CALB1: variants seen among roughly 807,000 people sequenced by gnomAD.
The protein encoded by CALB1 is calbindin 1.
A neutral mutation model predicts 46.7 loss-of-function variants in CALB1; 16 were observed. The ratio of observed to expected loss-of-function variants is 0.34; its 90% CI spans 0.23 to 0.52. The LOEUF (loss-of-function observed/expected upper bound fraction) is 0.52. Ranked by LOEUF, CALB1 falls within the 20% of genes least tolerant of loss-of-function variation. The pLI is 0.95. For synonymous variants in CALB1, 90 were observed against 112.8 expected (o/e 0.80, Z 1.28); for missense variants, 224 against 300.3 (o/e 0.75, Z 1.88).
At chr8:90,075,081 G>A (rs955614409) in intron 3 of CALB1, among the ~76,000 whole-genome samples, 8 of 152,040 alleles carry the variant, frequency 5.3e-5, no homozygotes, top group African/African-American at 1.9e-4. Flanking sequence ...TAACAATCTC[G>A]TTATTTCTAA....
At chr8:90,075,915 T>A (rs1258948430) in intron 3 of CALB1, among the ~76,000 whole-genome samples, 1 of 152,020 alleles carries the variant, frequency 6.6e-6, no homozygotes, top group Non-Finnish European at 1.5e-5. Flanking sequence ...CGGAATGAGA[T>A]CTAAGTCTGT....
intron 3 of CALB1, among the ~76,000 whole-genome samples, chr8:90,076,660 A>C (rs574504023): frequency 3.9e-4 from 59 of 152,078 alleles, no homozygotes; most frequent in Non-Finnish European, 2.5e-4. Context: ...TTCCACAGAA[A>C]GCCTTTTCTT....
chr8:90,069,149 T>C lies in CALB1; in HGVS notation c.315+5A>G, dbSNP rs369013711. On this transcript the variant is annotated splice_donor_5th_base_variant and intron_variant, in intron 4 of 10. Transcript: ENST00000265431. The stretch of plus-strand genomic sequence containing the variant: ...AGCTTTCTTAAAGGGGCAGCTTTCT[T>C]ATACCTTCATGAATTCCTCACAGGA... The C allele has an allele frequency of 9.9e-6, 16 of 1,613,794 alleles. No individual in the cohort carries two copies. In the African/African-American group the frequency reaches 2.0e-4, roughly 20 times the overall value.
At chr8:90,079,920 C>T (rs970778410) in intron 2 of CALB1, among the ~76,000 whole-genome samples, 1 of 151,670 alleles carries the variant, frequency 6.6e-6, no homozygotes, top group Non-Finnish European at 1.5e-5. Flanking sequence ...ATGCAAAAAG[C>T]CTGGTTTATA....
chr8:90,062,197 T>G (rs1462839781), intron 9 of CALB1: 1 of 151,942 alleles, frequency 6.6e-6, no homozygotes, highest in African/African-American at 2.4e-5. Flanking sequence ...TCAAGATAGA[T>G]TAAAAACTTA....
intron 9 of CALB1, chr8:90,060,942 C>T (rs1344096101): frequency 2.1e-6 from 1 of 483,518 alleles, no homozygotes; most frequent in Non-Finnish European, 3.7e-6. Context: ...AAAGTACTTA[C>T]ACATGTAATT....
At chr8:90,068,777 C>CA (rs550911907) in intron 5 of CALB1, among the ~76,000 whole-genome samples, 294 of 152,202 alleles carry the variant, frequency 1.9e-3, no homozygotes, top group African/African-American at 6.5e-3. Flanking sequence ...GTGTACACCA[C>CA]AAAAAATGTT....
At chr8:90,075,281 C>A (rs1182696465) in intron 3 of CALB1, among the ~76,000 whole-genome samples, 7 of 152,086 alleles carry the variant, frequency 4.6e-5, no homozygotes, top group Non-Finnish European at 1.0e-4. Context: ...AGAGACAAAC[C>A]AATTTGGCCT....
At chr8:90,073,046 C>T (rs1300963989) in intron 3 of CALB1, among the ~76,000 whole-genome samples, 2 of 152,156 alleles carry the variant, frequency 1.3e-5, no homozygotes, top group Non-Finnish European at 2.9e-5. Flanking sequence ...AGTCTACGTG[C>T]TCCTTGAGGA....
intron 5 of CALB1, among the ~76,000 whole-genome samples, chr8:90,066,530 G>A (rs1412389657): frequency 6.6e-6 from 1 of 151,950 alleles, no homozygotes; most frequent in Non-Finnish European, 1.5e-5. Context: ...GCCTAATGCA[G>A]TCCAAAGCAC....
rs1466440132 is a variant in CALB1 at position 90,082,866 on chromosome 8, A to G, written c.-169T>C. The G allele has an allele frequency of 7.7e-6, 5 of 650,246 alleles. No homozygotes were observed. Among genetic ancestry groups the G allele is most frequent in the Non-Finnish European group, 1.4e-5 (5 of 355,580 alleles). 40.3% of individuals were successfully genotyped at this position (650,246 alleles called of 1,614,324 possible). ...GTGCTGCTCAGCTCAGCGTTCCTCC[A>G]GAGTTCTCTCCCTACACCCCGCACC... On this transcript the variant is annotated 5_prime_UTR_variant, in exon 1 of 11. Transcript: ENST00000265431.
At chr8:90,066,142 G>A (rs1365446794) in intron 5 of CALB1, among the ~76,000 whole-genome samples, 167 bp from the exon 6 acceptor site, 1 of 151,954 alleles carries the variant, frequency 6.6e-6, no homozygotes, top group African/African-American at 2.4e-5. Flanking sequence ...ACTAAACCAG[G>A]TTGTCCTCCT....
At chr8:90,063,046 T>G (rs924153702) in intron 9 of CALB1, 54 bp downstream of exon 9, 5 of 1,272,316 alleles carry the variant, frequency 3.9e-6, no homozygotes, top group Non-Finnish European at 5.6e-6. Context: ...AAGAGGATCT[T>G]ATGTTGTGTT....
In CALB1 at chr8:90,082,675, G is replaced by A. The variant is rs1384268387; in HGVS notation, c.23C>T (p.Ser8Leu). ...AAACTGTGAGGCTGTGATGAGGGAT[G>A]ACTGCAGGTGGGATTCTGCCATTGT... is the stretch of plus-strand genomic sequence containing the variant. MAESHLQSSLITASQFFE... is the reference protein window; with the variant it reads MAESHLQLSLITASQFFE... The change falls in exon 1 of 11, where the codon TCA (serine) becomes TTA (leucine). Residue 8 changes from serine to leucine, a missense_variant. By Grantham distance (145) the Ser-to-Leu change is moderately radical. Transcript: ENST00000265431. The A allele has an allele frequency of 6.2e-7, 1 of 1,614,148 alleles. No individual in the cohort carries two copies. The highest frequency in any genetic ancestry group is 1.7e-5 in the Admixed American group (1 of 60,030).
At chr8:90,069,652 T>G (rs1234683380) in intron 3 of CALB1, among the ~76,000 whole-genome samples, 1 of 151,996 alleles carries the variant, frequency 6.6e-6, no homozygotes, top group Non-Finnish European at 1.5e-5. Flanking sequence ...AAATTTCATG[T>G]GAAGTGAAAG....
Position 90,070,605 on chromosome 8 carries a change from G to T in CALB1, c.232-1368C>A, listed in dbSNP as rs572660762. Among the ~76,000 whole-genome samples the T allele has an allele frequency of 2.6e-3, 394 of 152,088 alleles. 2 individuals are homozygous for T. Among genetic ancestry groups the T allele is most frequent in the Admixed American group, 5.5e-3 (84 of 15,276 alleles). ...ATAATATTTCAAATTAAAACCACTC[G>T]ATTTATACGCACCACACATGTGGGT... On this transcript the variant is annotated intron_variant, in intron 3 of 10. Transcript: ENST00000265431.
chr8:90,065,933 C>T lies in CALB1; in HGVS notation c.415G>A (p.Asp139Asn). 3 of 1,611,566 alleles carry T rather than the reference C, an allele frequency of 1.9e-6. No individual in the cohort carries two copies. The highest frequency in any genetic ancestry group is 2.5e-6 in the Non-Finnish European group (3 of 1,178,058). ...GTATACTCGGCTAATTTTGTGTCAT[C>T]AACAGTCTTGTTTGCTTTTTCTAGC... ...DLLEKANKTV[D>N]DTKLAEYTDL... The change falls in exon 6 of 11, where the codon GAT (aspartate) becomes AAT (asparagine). Residue 139 changes from aspartate to asparagine, a missense_variant. Physicochemically the swap from Asp to Asn is conservative, Grantham distance 23. Transcript: ENST00000265431.
At chr8:90,077,798 G>A (rs1191354978) in intron 3 of CALB1, among the ~76,000 whole-genome samples, 5 of 152,070 alleles carry the variant, frequency 3.3e-5, no homozygotes, top group Non-Finnish European at 7.4e-5. Flanking sequence ...CATGAAATCT[G>A]TACCTATAAC....
chr8:90,065,553 T>C (rs962072379), intron 6 of CALB1, among the ~76,000 whole-genome samples: 17 of 151,806 alleles, frequency 1.1e-4, no homozygotes, highest in Middle Eastern at 6.8e-3. Context: ...ATATAATTTA[T>C]ATATATATAG....
Sources: gnomAD v4.1 joint callset for allele counts (sites outside exome capture counted in the v4.1 genomes callset) on GRCh38, gnomAD v4.1.1 for gene constraint, MANE v1.5 for transcripts, NCBI Gene and HGNC (gene_info 2026-07-23, HGNC 2026-07-21) for gene names.